The following NCAM1 variants were observed in gnomAD, a reference collection of about 807,000 sequenced individuals.
NCAM1 encodes neural cell adhesion molecule 1.
A neutral mutation model predicts 109.8 loss-of-function variants in NCAM1; 14 were observed. That is an observed-to-expected ratio of 0.13 (90% confidence interval 0.08 to 0.20). The LOEUF (loss-of-function observed/expected upper bound fraction) is 0.20. NCAM1 is among the 10% of genes least tolerant of loss of function. The pLI is 1.00. For synonymous variants in NCAM1, 418 were observed against 442.9 expected (o/e 0.94, Z 0.70); for missense variants, 774 against 1,109.9 (o/e 0.70, Z 4.30).
chr11:113,273,540 G>A lies in NCAM1; in HGVS notation c.2456+1664G>A, dbSNP rs1555125939. The A allele has an allele frequency of 2.7e-6, 1 of 365,136 alleles. No homozygotes were observed. 22.6% of individuals were successfully genotyped at this position (365,136 alleles called of 1,614,324 possible). A position where few individuals can be genotyped will look rare whatever the true frequency, so the allele number is the denominator to read the frequency against. On this transcript the variant is annotated intron_variant, in intron 19 of 19. Coordinates refer to ENST00000316851, the MANE Select transcript of NCAM1 (RefSeq NM_181351.5). The surrounding 1 kb of genome is among the most constrained non-coding windows in gnomAD (Gnocchi z 6.0). ...AGCCCTTGCTAGCCCGAAGAGCGAGGCTGCCTCCGTCAGCACCACAAACCC... is the reference window on the plus strand; with the variant it reads ...AGCCCTTGCTAGCCCGAAGAGCGAGACTGCCTCCGTCAGCACCACAAACCC...
chr11:113,241,299 G>A (rs1449700790), intron 14 of NCAM1, among the ~76,000 whole-genome samples: 5 of 152,176 alleles, frequency 3.3e-5, no homozygotes, highest in East Asian at 3.8e-4. Context: ...TGTAGCTTTC[G>A]CTTTATCCAT....
intron 1 of NCAM1, among the ~76,000 whole-genome samples, chr11:113,062,061 C>A (rs1254876991): frequency 6.6e-6 from 1 of 152,066 alleles, no homozygotes; most frequent in Non-Finnish European, 1.5e-5. Flanking sequence ...GGTGGGGGAC[C>A]ATGTGAGCAC....
intron 1 of NCAM1, among the ~76,000 whole-genome samples, chr11:113,155,023 C>T (rs782612228): frequency 9.2e-5 from 14 of 152,004 alleles, no homozygotes; most frequent in Admixed American, 2.6e-4. Context: ...AAAGGATGCT[C>T]AGTACAGGAA....
intron 2 of NCAM1, 54 bp downstream of exon 2, chr11:113,202,507 G>T: frequency 6.6e-7 from 1 of 1,510,828 alleles, no homozygotes; most frequent in Non-Finnish European, 9.0e-7. Flanking sequence ...AACTCACTGG[G>T]TAGAGCAGGA....
chr11:113,006,393 G>A (rs901956540), intron 1 of NCAM1, among the ~76,000 whole-genome samples: 29 of 152,090 alleles, frequency 1.9e-4, no homozygotes, highest in Admixed American at 9.8e-4. Flanking sequence ...ATACTTTCAG[G>A]TTGTTTTTAA....
chr11:113,032,501 T>C (rs1555078494), intron 1 of NCAM1, among the ~76,000 whole-genome samples: 1 of 152,202 alleles, frequency 6.6e-6, no homozygotes, highest in East Asian at 1.9e-4. Context: ...TGGATGTAGT[T>C]TGGGGACATT....
chr11:112,972,253 C>CTAGGAATCCCAG (rs782729569), intron 1 of NCAM1, among the ~76,000 whole-genome samples: 1 of 152,018 alleles, frequency 6.6e-6, no homozygotes, highest in Non-Finnish European at 1.5e-5. Context: ...GTTAAAGAGA[C>CTAGGAATCCCAG]TAGGAAGACT....
At chr11:113,259,994 C>T (rs782334297) in intron 16 of NCAM1, 152 bp from the exon 17 acceptor site, 30 of 639,780 alleles carry the variant, frequency 4.7e-5, no homozygotes, top group African/African-American at 2.3e-4. Flanking sequence ...CATGAGCCAC[C>T]GCGCCCACCC....
At chr11:113,069,277 T>C (rs1241277232) in intron 1 of NCAM1, among the ~76,000 whole-genome samples, 1 of 152,108 alleles carries the variant, frequency 6.6e-6, no homozygotes, top group Non-Finnish European at 1.5e-5. Context: ...CCACACAGCT[T>C]ATAAAAGAAA....
intron 17 of NCAM1, among the ~76,000 whole-genome samples, chr11:113,267,570 T>C (rs1946159479): frequency 1.3e-5 from 2 of 152,244 alleles, no homozygotes; most frequent in African/African-American, 4.8e-5. Context: ...CTGGATGTGT[T>C]CAGCAGGCAG....
intron 1 of NCAM1, among the ~76,000 whole-genome samples, chr11:113,192,707 A>G (rs979261761): frequency 6.6e-6 from 1 of 152,190 alleles, no homozygotes; most frequent in Non-Finnish European, 1.5e-5. Context: ...GAAGCAATAG[A>G]AAGCCCTGGG....
intron 1 of NCAM1, among the ~76,000 whole-genome samples, chr11:113,046,497 C>T (rs1210440623): frequency 6.6e-6 from 1 of 152,208 alleles, no homozygotes; most frequent in East Asian, 1.9e-4. Flanking sequence ...ATTACTTTTA[C>T]AGCCATAGAT....
At chr11:113,034,920 TATC>T (rs1952822366) in intron 1 of NCAM1, among the ~76,000 whole-genome samples, 1 of 152,216 alleles carries the variant, frequency 6.6e-6, no homozygotes, top group African/African-American at 2.4e-5. Flanking sequence ...ATTCTGTTAT[TATC>T]ATAAAGTAGT....
intron 1 of NCAM1, among the ~76,000 whole-genome samples, chr11:112,984,099 T>G (rs1200941328): frequency 2.0e-5 from 3 of 151,964 alleles, no homozygotes; most frequent in Non-Finnish European, 2.9e-5. Flanking sequence ...TTCTACTCTG[T>G]TTCTATGTAT....
intron 14 of NCAM1, chr11:113,240,759 T>A: frequency 6.2e-7 from 1 of 1,610,892 alleles, no homozygotes; most frequent in Non-Finnish European, 8.5e-7. Context: ...TGATCTTTTT[T>A]CCCCACCTTC....
chr11:112,962,810 G>A lies in NCAM1; in HGVS notation c.52+1146G>A, dbSNP rs1555063707. ...TGCGCTTTGGCTCTGATGGACGGGA[G>A]GGAAGGAAGAAAAGCAGGGGCCGCA... On this transcript the variant is annotated intron_variant, in intron 1 of 19. Coordinates refer to ENST00000316851, the MANE Select transcript of NCAM1 (RefSeq NM_181351.5). The surrounding 1 kb of genome is among the most constrained non-coding windows in gnomAD (Gnocchi z 5.6). Among the ~76,000 whole-genome samples the A allele has an allele frequency of 6.6e-6, 1 of 152,120 alleles. No homozygotes were observed. The highest frequency in any genetic ancestry group is 2.4e-5 in the African/African-American group (1 of 41,438).
At chr11:113,043,109 A>T (rs1448436113) in intron 1 of NCAM1, among the ~76,000 whole-genome samples, 1 of 151,626 alleles carries the variant, frequency 6.6e-6, no homozygotes, top group African/African-American at 2.4e-5. Context: ...GTTCCTCCCC[A>T]GGGTGGTAAA....
intron 1 of NCAM1, among the ~76,000 whole-genome samples, chr11:113,145,573 T>C (rs1218956150): frequency 6.6e-6 from 1 of 152,206 alleles, no homozygotes; most frequent in African/African-American, 2.4e-5. Context: ...ATTGGCTCTC[T>C]CCTCTTCTTT....
At chr11:113,082,593 G>C (rs986495050) in intron 1 of NCAM1, among the ~76,000 whole-genome samples, 1 of 152,168 alleles carries the variant, frequency 6.6e-6, no homozygotes, top group Non-Finnish European at 1.5e-5. Context: ...TCTTTCAAAG[G>C]AGTAGTTTTA....
Sources: gnomAD v4.1 joint callset for allele counts (sites outside exome capture counted in the v4.1 genomes callset) on GRCh38, gnomAD v4.1.1 for gene constraint, Gnocchi (gnomAD v3.1) non-coding constraint, MANE v1.5 for transcripts, NCBI Gene and HGNC (gene_info 2026-07-23, HGNC 2026-07-21) for gene names.